DENND4A: variants seen among roughly 807,000 people sequenced by gnomAD.
DENND4A encodes C-myc promoter-binding protein.
A neutral mutation model predicts 199.3 loss-of-function variants in DENND4A; 70 were observed. The ratio of observed to expected loss-of-function variants is 0.35; its 90% confidence interval spans 0.29 to 0.43. The LOEUF (loss-of-function observed/expected upper bound fraction) is 0.43, where lower values mean the gene tolerates loss of function less well. Among genes scored for constraint, DENND4A ranks in the 20% least tolerant of loss-of-function variants. The pLI is 1.00. For synonymous variants in DENND4A, 686 were observed against 766.9 expected (o/e 0.89, Z 1.74); for missense variants, 1,723 against 2,255.8 (o/e 0.76, Z 4.78).
At chr15:65,667,252 C>G (rs1399455728) in intron 29 of DENND4A, among the ~76,000 whole-genome samples, 197 bp downstream of exon 29, 2 of 152,220 alleles carry the variant, frequency 1.3e-5, no homozygotes, top group Non-Finnish European at 2.9e-5. Context: ...ATTGCTTGAA[C>G]CCTGTAGCTG....
intron 22 of DENND4A, among the ~76,000 whole-genome samples, chr15:65,691,861 T>A (rs2076980418): frequency 6.6e-6 from 1 of 152,058 alleles, no homozygotes; most frequent in African/African-American, 2.4e-5. Flanking sequence ...CAATTAAGAT[T>A]TATATTTAAT....
chr15:65,786,156 T>C (rs886279142), intron 1 of DENND4A, among the ~76,000 whole-genome samples: 1 of 152,168 alleles, frequency 6.6e-6, no homozygotes, highest in African/African-American at 2.4e-5. Context: ...GCAATGTTTA[T>C]AATAGATAAA....
chr15:65,717,690 A>C, intron 13 of DENND4A, 88 bp downstream of exon 13: 1 of 1,176,622 alleles, frequency 8.5e-7, no homozygotes, highest in Non-Finnish European at 1.2e-6. Flanking sequence ...TATTCTCATA[A>C]ATATGAGCTA....
intron 29 of DENND4A, among the ~76,000 whole-genome samples, chr15:65,665,847 C>T (rs945270280): frequency 3.9e-5 from 6 of 152,110 alleles, no homozygotes; most frequent in African/African-American, 1.2e-4. Flanking sequence ...ACTGAAAATC[C>T]GAAGCACATG....
chr15:65,709,782 T>G (rs2075190082), intron 14 of DENND4A, among the ~76,000 whole-genome samples: 1 of 147,232 alleles, frequency 6.8e-6, no homozygotes, highest in Non-Finnish European at 1.5e-5. Flanking sequence ...GTCTCTTGAA[T>G]TATAACAAAG....
At chr15:65,748,039 C>CAAAAAAAAAAAAAA (rs34813076) in intron 4 of DENND4A, among the ~76,000 whole-genome samples, 1 of 54,376 alleles carries the variant, frequency 1.8e-5, no homozygotes, top group Non-Finnish European at 3.3e-5. Context: ...TACTCCGTCT[C>CAAAAAAAAAAAAAA]AAAAAAAAAA....
At chr15:65,750,360 G>A (rs756794054) in intron 4 of DENND4A, among the ~76,000 whole-genome samples, 1 of 152,136 alleles carries the variant, frequency 6.6e-6, no homozygotes, top group Non-Finnish European at 1.5e-5. Context: ...GAAAGCAACG[G>A]CTGATAAACC....
At chr15:65,778,147 G>C (rs2077332531) in intron 1 of DENND4A, among the ~76,000 whole-genome samples, 1 of 152,126 alleles carries the variant, frequency 6.6e-6, no homozygotes, top group African/African-American at 2.4e-5. Context: ...CTTCAGTGTA[G>C]TTATGAGTAA....
chr15:65,687,387 G>T (rs1308064513), intron 23 of DENND4A, among the ~76,000 whole-genome samples: 1 of 151,364 alleles, frequency 6.6e-6, no homozygotes, highest in Non-Finnish European at 1.5e-5. Context: ...ACAATTATAG[G>T]TTTTTCTTTT....
intron 12 of DENND4A, among the ~76,000 whole-genome samples, chr15:65,720,982 T>TATATATATATATATATATATA (rs71447856): frequency 2.6e-3 from 327 of 123,452 alleles, no homozygotes; most frequent in Middle Eastern, 4.2e-3. Context: ...TATATATATA[T>TATATATATATATATATATATA]TTGTACTTTT....
intron 1 of DENND4A, chr15:65,771,546 T>C (rs2077126262): frequency 5.6e-6 from 9 of 1,612,148 alleles, no homozygotes; most frequent in African/African-American, 1.3e-5. Flanking sequence ...AATACAATTA[T>C]GGGCATCAGC....
chr15:65,693,962 C>T (rs2077056889), intron 22 of DENND4A, among the ~76,000 whole-genome samples: 1 of 151,968 alleles, frequency 6.6e-6, no homozygotes, highest in African/African-American at 2.4e-5. Flanking sequence ...GCAGTAACTG[C>T]AGCCAACAAA....
intron 1 of DENND4A, among the ~76,000 whole-genome samples, chr15:65,790,960 A>C (rs1016988373): frequency 6.6e-6 from 1 of 152,230 alleles, no homozygotes; most frequent in South Asian, 2.1e-4. Context: ...GAAGAGGTAT[A>C]CTAGGGTAAA....
intron 7 of DENND4A, 102 bp downstream of exon 7, chr15:65,737,603 CTT>C: frequency 2.6e-6 from 3 of 1,170,058 alleles, no homozygotes; most frequent in South Asian, 1.6e-5. Flanking sequence ...TCAAATAACT[CTT>C]GAGAAATCTA....
chr15:65,702,210 A>T, intron 17 of DENND4A, 95 bp downstream of exon 17: 1 of 1,018,760 alleles, frequency 9.8e-7, no homozygotes, highest in Non-Finnish European at 1.5e-6. Flanking sequence ...TTAAGACTGC[A>T]GTGAGCCATG....
chr15:65,661,752 A>G lies in DENND4A; in HGVS notation c.*99T>C. The stretch of plus-strand genomic sequence containing the variant: ...GTCTTTTGAACCATTTACAAATTGT[A>G]TTTTCAAAAATTGAAGAAAAAATAT... On this transcript the variant is annotated 3_prime_UTR_variant, in exon 33 of 33. Transcript: ENST00000443035. 9.3e-7 allele frequency: 1 copy of G among 1,073,088 alleles called. No individual in the cohort carries two copies. Among genetic ancestry groups the G allele is most frequent in the South Asian group, 2.2e-5 (1 of 46,012 alleles). 66.5% of individuals were successfully genotyped at this position (1,073,088 alleles called of 1,614,324 possible).
At chr15:65,756,042 C>T in intron 3 of DENND4A, 98 bp downstream of exon 3, 1 of 1,040,436 alleles carries the variant, frequency 9.6e-7, no homozygotes, top group East Asian at 2.6e-5. Flanking sequence ...CTAAATCTGC[C>T]ATACATCTAT....
chr15:65,676,656 T>G, intron 23 of DENND4A, 22 bp from the exon 24 acceptor site: 2 of 1,575,254 alleles, frequency 1.3e-6, no homozygotes, highest in South Asian at 1.2e-5. Context: ...ATTATAAGCT[T>G]AATTTCTTGT....
chr15:65,788,261 G>A (rs1242917789), intron 1 of DENND4A, among the ~76,000 whole-genome samples: 3 of 151,962 alleles, frequency 2.0e-5, no homozygotes, highest in African/African-American at 7.3e-5. Flanking sequence ...TATTTTAGTA[G>A]AGACAGGGTT....
Sources: allele counts gnomAD v4.1 joint callset (sites outside exome capture counted in the v4.1 genomes callset), GRCh38; gene constraint gnomAD v4.1.1; transcripts MANE v1.5; gene names NCBI Gene and HGNC (gene_info 2026-07-23, HGNC 2026-07-21).